RIPOR2: variants seen among roughly 807,000 people sequenced by gnomAD.
The protein encoded by RIPOR2 is RHO family interacting cell polarization regulator 2, also known as rho family-interacting cell polarization regulator 2.
Under a neutral mutation model 114.5 loss-of-function variants are expected in RIPOR2, and 39 were observed. The ratio of observed to expected loss-of-function variants is 0.34; its 90% CI spans 0.26 to 0.44. The LOEUF (loss-of-function observed/expected upper bound fraction) is 0.44. Ranked by LOEUF, RIPOR2 falls within the 20% of genes least tolerant of loss-of-function variation. The pLI, the probability that RIPOR2 is intolerant of heterozygous loss-of-function variation, is 1.00. For synonymous variants in RIPOR2, 445 were observed against 484.4 expected (o/e 0.92, Z 1.07); for missense variants, 1,007 against 1,255.1 (o/e 0.80, Z 2.99).
intron 12 of RIPOR2, among the ~76,000 whole-genome samples, chr6:24,846,733 C>A (rs1282703607): frequency 6.6e-6 from 1 of 152,060 alleles, no homozygotes; most frequent in Non-Finnish European, 1.5e-5. Flanking sequence ...GCAGGATGTT[C>A]CATGTATGTG....
chr6:24,974,328 C>T (rs1228506175), intron 1 of RIPOR2, among the ~76,000 whole-genome samples: 1 of 152,128 alleles, frequency 6.6e-6, no homozygotes, highest in Non-Finnish European at 1.5e-5. Flanking sequence ...CGTGATCGTG[C>T]CTCTGCACTC....
intron 21 of RIPOR2, among the ~76,000 whole-genome samples, chr6:24,809,057 G>T (rs1780961605): frequency 1.3e-5 from 2 of 152,218 alleles, no homozygotes; most frequent in Admixed American, 1.3e-4. Context: ...ACCAAACCCA[G>T]CTATTTATAC....
At position 24,875,716 on chromosome 6, in the gene RIPOR2, T is replaced by C; in HGVS notation, c.163A>G (p.Ser55Gly). 1 of 1,613,510 alleles carries C rather than the reference T, an allele frequency of 6.2e-7. No individual in the cohort carries two copies. The highest frequency in any genetic ancestry group is 2.2e-5 in the East Asian group (1 of 44,862). Residue 55 changes from serine (S) to glycine (G), a missense_variant, in exon 2 of 22, where the codon AGC becomes GGC. Physicochemically the swap from Ser to Gly is moderately conservative, Grantham distance 56. Transcript: ENST00000643898. ...IIRSQSFAGF[S>G]GLQERRSRCN... ...CTGGATCGCCTTTCCTGGAGGCCGCTGAAACCCGCAAAGGACTGGCTTCTA... is the reference window on the plus strand; with the variant it reads ...CTGGATCGCCTTTCCTGGAGGCCGCCGAAACCCGCAAAGGACTGGCTTCTA...
chr6:24,855,721 C>T (rs1763402054), intron 8 of RIPOR2, among the ~76,000 whole-genome samples: 1 of 152,286 alleles, frequency 6.6e-6, no homozygotes, highest in Non-Finnish European at 1.5e-5. Flanking sequence ...TTGCCTTCTA[C>T]AAATAGCCCT....
chr6:24,932,260 G>A (rs1581829639), intron 1 of RIPOR2, among the ~76,000 whole-genome samples: 1 of 152,078 alleles, frequency 6.6e-6, no homozygotes. Context: ...GCCTACTTGA[G>A]AGTAACCATT....
intron 7 of RIPOR2, among the ~76,000 whole-genome samples, chr6:24,861,944 G>A (rs1163277999): frequency 6.6e-6 from 1 of 152,172 alleles, no homozygotes. Context: ...GAGCACAAGG[G>A]CTGAATTCTG....
intron 1 of RIPOR2, among the ~76,000 whole-genome samples, chr6:24,962,474 T>G (rs1773349739): frequency 6.6e-6 from 1 of 152,140 alleles, no homozygotes; most frequent in South Asian, 2.1e-4. Context: ...AACGGAGAGA[T>G]GAGTTTAAAA....
intron 2 of RIPOR2, among the ~76,000 whole-genome samples, 155 bp from the exon 3 acceptor site, chr6:24,873,954 G>T (rs1426675085): frequency 6.6e-6 from 1 of 152,150 alleles, no homozygotes; most frequent in African/African-American, 2.4e-5. Flanking sequence ...GCTCACTGCA[G>T]CCTTGAACTC....
At chr6:24,823,443 C>T (rs1314216847) in intron 19 of RIPOR2, among the ~76,000 whole-genome samples, 5 of 152,264 alleles carry the variant, frequency 3.3e-5, no homozygotes, top group East Asian at 1.9e-4. Flanking sequence ...TGATGCTGCA[C>T]GGTGCCTGGT....
At chr6:24,926,353 G>A (rs1770859568) in intron 1 of RIPOR2, among the ~76,000 whole-genome samples, 1 of 152,096 alleles carries the variant, frequency 6.6e-6, no homozygotes, top group South Asian at 2.1e-4. Context: ...GGAGGCAAGG[G>A]GCCCCTCTAC....
At chr6:25,023,696 G>A (rs1333158371) in intron 1 of RIPOR2, 2 of 765,992 alleles carry the variant, frequency 2.6e-6, no homozygotes, top group Non-Finnish European at 4.8e-6. Flanking sequence ...CACGATGTCA[G>A]TACAGCCCAC....
At chr6:24,806,808 G>A (rs960550621) in intron 21 of RIPOR2, among the ~76,000 whole-genome samples, 2 of 152,126 alleles carry the variant, frequency 1.3e-5, no homozygotes, top group Non-Finnish European at 2.9e-5. Context: ...AAGTACATTA[G>A]GGATTTCAAT....
At chr6:24,901,407 C>T (rs2114016060) in intron 1 of RIPOR2, among the ~76,000 whole-genome samples, 1 of 152,248 alleles carries the variant, frequency 6.6e-6, no homozygotes, top group East Asian at 1.9e-4. Flanking sequence ...ATCTGGAAAA[C>T]ATCCTAATGT....
intron 1 of RIPOR2, among the ~76,000 whole-genome samples, chr6:24,921,653 C>A (rs904886009): frequency 6.7e-6 from 1 of 149,084 alleles, no homozygotes; most frequent in African/African-American, 2.5e-5. Context: ...CACTTATCGC[C>A]CCCCCCGACC....
intron 1 of RIPOR2, among the ~76,000 whole-genome samples, chr6:25,026,224 G>A (rs1776614940): frequency 6.6e-6 from 1 of 152,050 alleles, no homozygotes; most frequent in Non-Finnish European, 1.5e-5. Context: ...GCCATTGGGT[G>A]AAAAAGAGAG....
At chr6:24,821,584 T>C (rs979663365) in intron 19 of RIPOR2, among the ~76,000 whole-genome samples, 1 of 152,234 alleles carries the variant, frequency 6.6e-6, no homozygotes, top group Non-Finnish European at 1.5e-5. Flanking sequence ...AGTAACTAGC[T>C]CTTTACTAGA....
At chr6:24,854,167 T>C (rs1017341394) in intron 8 of RIPOR2, among the ~76,000 whole-genome samples, 5 of 150,790 alleles carry the variant, frequency 3.3e-5, no homozygotes, top group Non-Finnish European at 5.9e-5. Context: ...TAAATTGATA[T>C]GCATCAGGGA....
At chr6:24,818,208 C>T (rs12662998) in intron 20 of RIPOR2, among the ~76,000 whole-genome samples, 46,462 of 151,744 alleles carry the variant, frequency 0.31, 8,020 homozygotes, top group East Asian at 0.68. Context: ...GGTGATCCAC[C>T]GGCCTCGGCC....
intron 1 of RIPOR2, chr6:25,024,409 T>G: frequency 8.8e-7 from 1 of 1,137,676 alleles, no homozygotes; most frequent in Non-Finnish European, 1.3e-6. Flanking sequence ...CCTTGTTCCT[T>G]CACCCACACG....
Sources: gnomAD v4.1 joint callset for allele counts (sites outside exome capture counted in the v4.1 genomes callset) on GRCh38, gnomAD v4.1.1 for gene constraint, MANE v1.5 for transcripts, NCBI Gene and HGNC (gene_info 2026-07-23, HGNC 2026-07-21) for gene names.